VAV3: variants seen among roughly 807,000 people sequenced by gnomAD.
The protein encoded by VAV3 is guanine nucleotide exchange factor VAV3.
A neutral mutation model predicts 131.2 loss-of-function variants in VAV3; 94 were observed. That is an observed-to-expected ratio of 0.72 (90% CI 0.61 to 0.85). The LOEUF (loss-of-function observed/expected upper bound fraction) is 0.85, where lower values mean the gene tolerates loss of function less well. VAV3 is among the 40% of genes least tolerant of loss of function. The pLI is 0.00. For missense variants in VAV3, 939 were observed against 1,002.7 expected (o/e 0.94, Z 0.86); for synonymous variants, 349 against 342.0 (o/e 1.02, Z -0.22).
chr1:107,582,715 A>G lies in VAV3; in HGVS notation c.2351-8517T>C, dbSNP rs1359457883. 2.4e-4 allele frequency among the ~76,000 whole-genome samples: 36 copies of G among 151,904 alleles called. No individual in the cohort carries two copies. The East Asian group carries it at 6.4e-3, about 27-fold the overall frequency. On this transcript the variant is annotated intron_variant, in intron 25 of 26. Coordinates refer to ENST00000370056, the MANE Select transcript of VAV3 (RefSeq NM_006113.5). ...ACTGAGAATGATGATTTCCAATTTC[A>G]TCCATGTCCCTACAAAGGACATGAA...
Position 107,841,392 on chromosome 1 carries a change from T to C in VAV3, c.321+33509A>G, listed in dbSNP as rs143345312. On this transcript the variant is annotated intron_variant, in intron 2 of 26. Coordinates refer to ENST00000370056, the MANE Select transcript of VAV3 (RefSeq NM_006113.5). ...TAAAGCAATATAAAGGGCACAGAAA[T>C]TGTCAGAAGGCTGAGGAGAAACAGT... Among the ~76,000 whole-genome samples the C allele has an allele frequency of 3.9e-3, 590 of 152,184 alleles. 2 individuals are homozygous for C. Among genetic ancestry groups the C allele is most frequent in the Non-Finnish European group, 6.0e-3 (405 of 67,992 alleles).
chr1:107,708,080 A>C (rs1434033959), intron 15 of VAV3, among the ~76,000 whole-genome samples: 2 of 152,186 alleles, frequency 1.3e-5, no homozygotes, highest in Non-Finnish European at 2.9e-5. Flanking sequence ...CTTGGGCAGG[A>C]ACAGAAAGAA....
chr1:107,832,553 T>C (rs1203431495), intron 2 of VAV3, among the ~76,000 whole-genome samples: 1 of 152,226 alleles, frequency 6.6e-6, no homozygotes, highest in Non-Finnish European at 1.5e-5. Context: ...CTGAGTCTTT[T>C]ATAAAATAAT....
chr1:107,879,316 C>T (rs752602282), intron 1 of VAV3, among the ~76,000 whole-genome samples: 3 of 152,162 alleles, frequency 2.0e-5, no homozygotes, highest in Non-Finnish European at 2.9e-5. Flanking sequence ...AATACCTCCA[C>T]CATTTGCTTA....
chr1:107,627,046 T>C (rs11185148), intron 20 of VAV3, among the ~76,000 whole-genome samples: 58,153 of 152,016 alleles, frequency 0.38, 11,609 homozygotes, highest in East Asian at 0.48. Flanking sequence ...AAGTGACTGA[T>C]TTCTGAAGTT....
chr1:107,693,012 T>G (rs1029880003), intron 17 of VAV3, among the ~76,000 whole-genome samples: 3 of 152,092 alleles, frequency 2.0e-5, no homozygotes, highest in African/African-American at 7.2e-5. Context: ...CAAATGTCCA[T>G]AAAGATTGCT....
At chr1:107,597,991 C>T (rs376346063) in intron 24 of VAV3, among the ~76,000 whole-genome samples, 59 of 152,232 alleles carry the variant, frequency 3.9e-4, no homozygotes, top group Middle Eastern at 6.8e-3. Context: ...ACATAGCTAG[C>T]GCCTTTATCC....
At chr1:107,956,404 G>C (rs535291111) in intron 1 of VAV3, among the ~76,000 whole-genome samples, 1 of 152,278 alleles carries the variant, frequency 6.6e-6, no homozygotes, top group Admixed American at 6.5e-5. Context: ...ATCCTCAGCA[G>C]CTTTTGTTTG....
intron 22 of VAV3, among the ~76,000 whole-genome samples, chr1:107,603,910 G>T (rs1652066213): frequency 6.6e-6 from 1 of 151,794 alleles, no homozygotes; most frequent in Admixed American, 6.6e-5. Flanking sequence ...GTTCAAGGGA[G>T]GCCTGTGCCT....
intron 1 of VAV3, among the ~76,000 whole-genome samples, chr1:107,962,241 C>T (rs1288023934): frequency 6.6e-6 from 1 of 152,166 alleles, no homozygotes; most frequent in Non-Finnish European, 1.5e-5. Context: ...CAGGGGAATA[C>T]ATTCTGCTGG....
intron 25 of VAV3, chr1:107,578,705 T>A (rs1176365302): frequency 5.2e-5 from 47 of 912,242 alleles, no homozygotes; most frequent in Non-Finnish European, 6.2e-5. Context: ...GCCTCCCGGG[T>A]TCACGCCATT....
chr1:107,707,341 T>A (rs1174170087), intron 15 of VAV3, among the ~76,000 whole-genome samples: 1 of 152,164 alleles, frequency 6.6e-6, no homozygotes, highest in Admixed American at 6.5e-5. Flanking sequence ...CATCCTAACT[T>A]GCAAATCAGT....
intron 20 of VAV3, among the ~76,000 whole-genome samples, chr1:107,618,517 G>T (rs562765764): frequency 6.6e-6 from 1 of 152,288 alleles, no homozygotes; most frequent in South Asian, 2.1e-4. Flanking sequence ...TATTAGGTTG[G>T]TGCAAAAGTA....
intron 15 of VAV3, among the ~76,000 whole-genome samples, chr1:107,714,029 A>G (rs1660943963): frequency 6.6e-6 from 1 of 152,144 alleles, no homozygotes; most frequent in Non-Finnish European, 1.5e-5. Flanking sequence ...TTCGAAAACA[A>G]AAAGCTATTA....
intron 1 of VAV3, among the ~76,000 whole-genome samples, chr1:107,925,450 G>A (rs898873192): frequency 6.6e-6 from 1 of 152,132 alleles, no homozygotes; most frequent in East Asian, 1.9e-4. Context: ...TATATAAATG[G>A]AAGAACAAAA....
At chr1:107,638,180 T>C (rs1655073133) in intron 20 of VAV3, among the ~76,000 whole-genome samples, 1 of 152,176 alleles carries the variant, frequency 6.6e-6, no homozygotes, top group Non-Finnish European at 1.5e-5. Flanking sequence ...ATGACTTCTA[T>C]TTGACATTTT....
At chr1:107,728,691 A>G (rs1390397624) in intron 15 of VAV3, among the ~76,000 whole-genome samples, 1 of 150,602 alleles carries the variant, frequency 6.6e-6, no homozygotes, top group Non-Finnish European at 1.5e-5. Flanking sequence ...CTACAAAGGG[A>G]AAGGCTTAAC....
intron 25 of VAV3, among the ~76,000 whole-genome samples, chr1:107,574,996 TGCGTGC>T (rs1558059583): frequency 1.5e-3 from 75 of 49,146 alleles, no homozygotes; most frequent in Middle Eastern, 0.011. Context: ...TGTGTGTGCG[TGCGTGC>T]GCGCGCGCGC....
chr1:107,907,519 A>G (rs1387451873), intron 1 of VAV3, among the ~76,000 whole-genome samples: 3 of 152,226 alleles, frequency 2.0e-5, no homozygotes, highest in Non-Finnish European at 4.4e-5. Context: ...ACTGAAAAGT[A>G]GGAACTTTAG....
Sources: gnomAD v4.1 joint callset for allele counts (sites outside exome capture counted in the v4.1 genomes callset) on GRCh38, gnomAD v4.1.1 for gene constraint, MANE v1.5 for transcripts, NCBI Gene and HGNC (gene_info 2026-07-23, HGNC 2026-07-21) for gene names.